DAB1: variants seen among roughly 807,000 people sequenced by gnomAD.
DAB1 encodes DAB adaptor protein 1.
Under a neutral mutation model 64.6 loss-of-function variants are expected in DAB1, and 15 were observed. That is an observed-to-expected ratio of 0.23 (90% confidence interval 0.16 to 0.36). The LOEUF (loss-of-function observed/expected upper bound fraction) is 0.36. Among genes scored for constraint, DAB1 ranks in the 10% least tolerant of loss-of-function variants. DAB1 has a pLI of 1.00. For missense variants in DAB1, 596 were observed against 706.7 expected, an observed-to-expected ratio of 0.84 and a Z score of 1.78; for synonymous variants, 235 against 251.9, an observed-to-expected ratio of 0.93 and a Z score of 0.64.
intron 2 of DAB1, among the ~76,000 whole-genome samples, chr1:57,280,030 A>G (rs1016520912): frequency 2.0e-5 from 3 of 152,158 alleles, no homozygotes; most frequent in South Asian, 2.1e-4. Flanking sequence ...TTCAGTGGAG[A>G]GAAGTTTAGT....
chr1:57,375,885 T>C (rs1157405868), intron 1 of DAB1, among the ~76,000 whole-genome samples: 2 of 152,212 alleles, frequency 1.3e-5, no homozygotes, highest in African/African-American at 2.4e-5. Context: ...CAACGAATAT[T>C]TTGTGTATTG....
Position 57,764,726 on chromosome 1 carries a change from A to G in DAB1, n.552-115061T>C, listed in dbSNP as rs12028338. ...CTTATTTCATAGCCCTGAGTTTTTG[A>G]GACATCAAGATTGAGTGTTGTTCCC... On this transcript the variant is annotated intron_variant and non_coding_transcript_variant, in intron 6 of 20. Transcript: ENST00000485760. Among the ~76,000 whole-genome samples, 2,901 of 152,226 alleles carry G rather than the reference A, an allele frequency of 0.019. 130 individuals are homozygous for G. In the East Asian group the frequency reaches 0.2, roughly 10 times the overall value.
chr1:58,158,966 T>C, intron 4 of DAB1, among the ~76,000 whole-genome samples: 1 of 152,174 alleles, frequency 6.6e-6, no homozygotes, highest in East Asian at 1.9e-4. Flanking sequence ...CGAGTTCCCA[T>C]AGAGACCCCT....
intron 1 of DAB1, chr1:58,539,019 C>T (rs1187710684): frequency 1.1e-6 from 1 of 872,802 alleles, no homozygotes; most frequent in South Asian, 1.3e-5. Flanking sequence ...TGCTGGTAAT[C>T]CTCCAAATTT....
chr1:57,083,088 C>T (rs1324027599), intron 4 of DAB1, among the ~76,000 whole-genome samples: 1 of 152,160 alleles, frequency 6.6e-6, no homozygotes, highest in Non-Finnish European at 1.5e-5. Flanking sequence ...AGAGTTCCTG[C>T]TATATGCTAG....
chr1:57,931,713 T>C (rs1438787363), intron 5 of DAB1, among the ~76,000 whole-genome samples: 13 of 152,214 alleles, frequency 8.5e-5, no homozygotes, highest in Admixed American at 8.5e-4. Context: ...TTATTTCTTA[T>C]ATTTGCAATT....
intron 3 of DAB1, among the ~76,000 whole-genome samples, chr1:58,363,018 G>A (rs184321368): frequency 6.6e-6 from 1 of 152,336 alleles, no homozygotes; most frequent in East Asian, 1.9e-4. Flanking sequence ...TCACATGGCA[G>A]ATAAAGACAG....
At chr1:58,299,260 C>A (rs1223394278) in intron 4 of DAB1, among the ~76,000 whole-genome samples, 1 of 152,142 alleles carries the variant, frequency 6.6e-6, no homozygotes, top group Non-Finnish European at 1.5e-5. Flanking sequence ...ATTGGAGAAG[C>A]CAGATTTAAA....
chr1:58,106,861 CCCTCCTT>C (rs769637139), intron 5 of DAB1, among the ~76,000 whole-genome samples: 85 of 139,708 alleles, frequency 6.1e-4, no homozygotes, highest in East Asian at 1.6e-3. Flanking sequence ...CTCCCTCCCT[CCCTCCTT>C]CCTCCTTCCC....
At chr1:57,266,108 C>G (rs987763193) in intron 2 of DAB1, among the ~76,000 whole-genome samples, 15 of 152,176 alleles carry the variant, frequency 9.9e-5, no homozygotes, top group African/African-American at 3.6e-4. Context: ...GAGTCATCTG[C>G]ACACAAGGGA....
At position 57,608,348 on chromosome 1, in the gene DAB1, T is replaced by A. The variant is rs187985684; in HGVS notation, n.625+41244A>T. On this transcript the variant is annotated intron_variant and non_coding_transcript_variant, in intron 7 of 20. Coordinates refer to the DAB1 transcript ENST00000485760. ...TTTCTCTCCCATGTGTAAATTTATA[T>A]CTGTTCTCTGGTCATACAACCAACA... Among the ~76,000 whole-genome samples, 796 of 152,286 alleles carry A rather than the reference T, an allele frequency of 5.2e-3. 5 individuals are homozygous for A. Among genetic ancestry groups the A allele is most frequent in the Non-Finnish European group, 6.5e-3 (444 of 68,014 alleles).
intron 4 of DAB1, among the ~76,000 whole-genome samples, chr1:58,186,657 C>A (rs188692773): frequency 6.6e-6 from 1 of 152,264 alleles, no homozygotes; most frequent in East Asian, 1.9e-4. Flanking sequence ...TAACAAACAA[C>A]CCTAAAACTC....
At chr1:57,275,222 T>C (rs1441829264) in intron 2 of DAB1, among the ~76,000 whole-genome samples, 1 of 152,172 alleles carries the variant, frequency 6.6e-6, no homozygotes, top group Non-Finnish European at 1.5e-5. Context: ...CCAGTAGACC[T>C]GGCCTAAAAA....
chr1:57,303,419 G>A (rs1429421129), intron 1 of DAB1, among the ~76,000 whole-genome samples: 1 of 152,206 alleles, frequency 6.6e-6, no homozygotes, highest in Non-Finnish European at 1.5e-5. Flanking sequence ...AGGACAATCT[G>A]CTGCCTGACC....
chr1:57,687,613 A>AAG (rs1035384300), intron 6 of DAB1, among the ~76,000 whole-genome samples: 1 of 149,846 alleles, frequency 6.7e-6, no homozygotes, highest in African/African-American at 2.4e-5. Flanking sequence ...AAAAAAAAAA[A>AAG]AAAAAAGAAA....
At chr1:58,314,778 C>T (rs1456743603) in intron 4 of DAB1, among the ~76,000 whole-genome samples, 3 of 152,182 alleles carry the variant, frequency 2.0e-5, no homozygotes, top group East Asian at 3.9e-4. Flanking sequence ...GTTTTGTTCA[C>T]AACATTTTCT....
intron 1 of DAB1, among the ~76,000 whole-genome samples, chr1:57,314,658 C>G (rs1249272202): frequency 1.3e-5 from 2 of 151,908 alleles, no homozygotes; most frequent in Non-Finnish European, 2.9e-5. Context: ...TGGGGCACAC[C>G]TGTGGTCCCA....
intron 4 of DAB1, among the ~76,000 whole-genome samples, chr1:57,133,893 TC>T (rs777684674): frequency 2.6e-5 from 4 of 152,140 alleles, no homozygotes; most frequent in Non-Finnish European, 5.9e-5. Flanking sequence ...ATTGAGTCAG[TC>T]CCCTGCTGGG....
chr1:58,147,990 A>AG (rs1160825760), intron 5 of DAB1, among the ~76,000 whole-genome samples: 62 of 151,962 alleles, frequency 4.1e-4, no homozygotes, highest in Admixed American at 7.2e-4. Context: ...GGAGAAAAAA[A>AG]AAAAAAAAAG....
Sources: allele counts gnomAD v4.1 joint callset (sites outside exome capture counted in the v4.1 genomes callset), GRCh38; gene constraint gnomAD v4.1.1; transcripts MANE v1.5; gene names NCBI Gene and HGNC (gene_info 2026-07-23, HGNC 2026-07-21).